TSPAN17: variants seen among roughly 807,000 people sequenced by gnomAD.
The protein encoded by TSPAN17 is tetraspanin 17.
TSPAN17 carries 33 observed loss-of-function variants against 40.5 expected under a neutral mutation model. The observed-to-expected ratio is 0.81, with a 90% CI of 0.62 to 1.09. TSPAN17 has a LOEUF of 1.09. Among genes scored for constraint, TSPAN17 ranks in the 50% least tolerant of loss-of-function variants. The probability of loss-of-function intolerance (pLI) is 0.00; values close to 1 mark genes in which losing one functional copy is unlikely to be tolerated. For synonymous variants in TSPAN17, 166 were observed against 169.4 expected (o/e 0.98, Z 0.15); for missense variants, 365 against 416.8 (o/e 0.88, Z 1.08).
In TSPAN17 at chr5:176,651,047, C is replaced by T. The variant is rs1374390135; in HGVS notation, c.88-569C>T. Among the ~76,000 whole-genome samples, 2 of 152,170 alleles carry T rather than the reference C, an allele frequency of 1.3e-5. No individual in the cohort carries two copies. Among genetic ancestry groups the T allele is most frequent in the Non-Finnish European group, 2.9e-5 (2 of 68,024 alleles). On this transcript the variant is annotated intron_variant, in intron 1 of 8. Transcript: ENST00000508164. The surrounding 1 kb of genome is among the most constrained non-coding windows in gnomAD (Gnocchi z 4.5). ...CAGGCCAGATCCTAGGTGGATCCTG[C>T]TAGGGATGATTGAGATTCCTGTCAT...
chr5:176,654,768 C>T lies in TSPAN17; in HGVS notation c.457-127C>T. ...AGGCCTGTGGGGGTGGGGAGGTGGC[C>T]ACCCACTTGGCTGTCCCAGCCCTGT... On this transcript the variant is annotated intron_variant, in intron 4 of 8. Coordinates refer to ENST00000508164, the MANE Select transcript of TSPAN17 (RefSeq NM_130465.5). The surrounding 1 kb of genome is among the most constrained non-coding windows in gnomAD (Gnocchi z 4.3). 3.2e-6 allele frequency: 4 copies of T among 1,263,146 alleles called. No individual in the cohort carries two copies. Among genetic ancestry groups the T allele is most frequent in the Non-Finnish European group, 3.2e-6 (3 of 924,112 alleles). The allele number at this position is 1,263,146 out of a possible 1,614,324, so 78.2% of individuals were successfully genotyped here.
chr5:176,657,255 G>A (rs1222623726), intron 8 of TSPAN17: 14 of 652,412 alleles, frequency 2.1e-5, no homozygotes, highest in Middle Eastern at 4.2e-4. Flanking sequence ...GGACTAGGAA[G>A]GGCGCAGCTC....
intron 6 of TSPAN17, 125 bp from the exon 7 acceptor site, chr5:176,656,575 G>A: frequency 3.4e-6 from 3 of 877,536 alleles, no homozygotes; most frequent in Admixed American, 1.9e-5. Flanking sequence ...CGGCTTTGTG[G>A]AGGGACTGTG....
rs73806061 is a variant in TSPAN17, at chr5:176,650,710, G to C, written c.88-906G>C. Among the ~76,000 whole-genome samples the C allele has an allele frequency of 0.02, 3,096 of 152,316 alleles. 144 individuals are homozygous for C. The highest frequency in any genetic ancestry group is 0.071 in the African/African-American group (2,970 of 41,556). On this transcript the variant is annotated intron_variant, in intron 1 of 8. Coordinates refer to ENST00000508164, the MANE Select transcript of TSPAN17 (RefSeq NM_130465.5). This position sits in a 1 kb window ranked among gnomAD's most constrained non-coding sequence, Gnocchi z 4.0. ...GGAAGGTGATAAAGGCCTTGGCCGTGGCTATGTGCTGAGGGGAAGGAGCCT... is the reference window on the plus strand; with the variant it reads ...GGAAGGTGATAAAGGCCTTGGCCGTCGCTATGTGCTGAGGGGAAGGAGCCT...
At chr5:176,653,264 A>G (rs13163642) in intron 4 of TSPAN17, 44,462 of 206,110 alleles carry the variant, frequency 0.22, 5,879 homozygotes, top group East Asian at 0.45. Context: ...GGCTGCAGCT[A>G]TGTTGCTGCT....
rs1323466361 is a variant in TSPAN17 at position 176,656,099 on chromosome 5, T to C, written c.604T>C (p.Cys202Arg). The change falls in exon 6 of 9, where the codon TGT (cysteine) becomes CGT (arginine). Residue 202 changes from cysteine to arginine, a missense_variant. Transcript: ENST00000508164. ...TCAGGAGGATGTCCTCAACACCCAG[T>C]GTGGCTACGACGTCCGGCTCAAACT... ...DPAEDVLNTQ[C>R]GYDVRLKLEL... 2 of 1,614,104 alleles carry C rather than the reference T, an allele frequency of 1.2e-6. No individual in the cohort carries two copies. The highest frequency in any genetic ancestry group is 3.3e-5 in the Admixed American group (2 of 60,020).
In TSPAN17 at chr5:176,654,880, C is replaced by A. The variant is rs778357815; in HGVS notation, c.457-15C>A. On this transcript the variant is annotated splice_polypyrimidine_tract_variant and intron_variant, in intron 4 of 8. Transcript: ENST00000508164. This position sits in a 1 kb window ranked among gnomAD's most constrained non-coding sequence, Gnocchi z 4.3. ...ATGGGCCTGGCTCACCTGGGGCTCT[C>A]CCCTGCCCCCACAGTGGTCTTGCTG... 1.2e-6 allele frequency: 2 copies of A among 1,612,884 alleles called. No individual in the cohort carries two copies. Among genetic ancestry groups the A allele is most frequent in the Non-Finnish European group, 1.7e-6 (2 of 1,179,506 alleles).
chr5:176,648,960 G>A (rs139291188), intron 1 of TSPAN17, among the ~76,000 whole-genome samples: 78 of 152,348 alleles, frequency 5.1e-4, no homozygotes, highest in Admixed American at 1.1e-3. Flanking sequence ...GCAGAGGGTG[G>A]AGGTGAGGCA....
chr5:176,655,430 C>T (rs1322821487), intron 5 of TSPAN17, among the ~76,000 whole-genome samples: 1 of 152,158 alleles, frequency 6.6e-6, no homozygotes, highest in East Asian at 1.9e-4. Flanking sequence ...GCCACCGTTG[C>T]AGGGTAGCAG....
chr5:176,648,285 G>A (rs916707498), intron 1 of TSPAN17, among the ~76,000 whole-genome samples: 8 of 152,338 alleles, frequency 5.3e-5, no homozygotes, highest in Non-Finnish European at 5.9e-5. Flanking sequence ...AGTCCTTGGC[G>A]GCTGGGAGAG....
rs952205417 is a variant in TSPAN17 at position 176,651,522 on chromosome 5, C to G, written c.88-94C>G. On this transcript the variant is annotated intron_variant, in intron 1 of 8. Coordinates refer to ENST00000508164, the MANE Select transcript of TSPAN17 (RefSeq NM_130465.5). The surrounding 1 kb of genome is among the most constrained non-coding windows in gnomAD (Gnocchi z 4.5). ...TCACAGCCCTTGTGCCTCTTCCTCT[C>G]TCCGCTGGAAAGGCCCTGGCTACCG... is the stretch of plus-strand genomic sequence containing the variant. The G allele has an allele frequency of 2.9e-6, 4 of 1,381,416 alleles. No individual in the cohort carries two copies. The highest frequency in any genetic ancestry group is 3.9e-6 in the Non-Finnish European group (4 of 1,025,852). The allele number at this position is 1,381,416 out of a possible 1,614,324, so 85.6% of individuals were successfully genotyped here. A position where few individuals can be genotyped will look rare whatever the true frequency, so the allele number is the denominator to read the frequency against.
At chr5:176,652,993 G>T (rs921925450) in intron 4 of TSPAN17, 80 bp downstream of exon 4, 1 of 1,493,682 alleles carries the variant, frequency 6.7e-7, no homozygotes, top group African/African-American at 1.4e-5. Flanking sequence ...TCCCTGTGAT[G>T]GGACCATCTC....
chr5:176,654,520 A>G lies in TSPAN17; in HGVS notation c.457-375A>G, dbSNP rs1371922634. ...AGGGCTTTGTAGAACCTCTGGGGCAAGTGTGGGAGGCCTGCTGCAGACATG... is the reference window on the plus strand; with the variant it reads ...AGGGCTTTGTAGAACCTCTGGGGCAGGTGTGGGAGGCCTGCTGCAGACATG... On this transcript the variant is annotated intron_variant, in intron 4 of 8. Coordinates refer to ENST00000508164, the MANE Select transcript of TSPAN17 (RefSeq NM_130465.5). This position sits in a 1 kb window ranked among gnomAD's most constrained non-coding sequence, Gnocchi z 4.3. 2.3e-5 allele frequency: 5 copies of G among 216,926 alleles called. No homozygotes were observed. Among genetic ancestry groups the G allele is most frequent in the Admixed American group, 5.5e-5 (1 of 18,250 alleles). 13.4% of individuals were successfully genotyped at this position (216,926 alleles called of 1,614,324 possible).
Position 176,651,705 on chromosome 5 carries a change from G to A in TSPAN17, c.138+39G>A. ...CGGGCGTGGAGCTGGTATGGGACGA[G>A]GTGGTGGGAAGGTCAGCTCCCCACA... On this transcript the variant is annotated intron_variant, in intron 2 of 8. Transcript: ENST00000508164. This position sits in a 1 kb window ranked among gnomAD's most constrained non-coding sequence, Gnocchi z 4.5. The A allele has an allele frequency of 6.2e-7, 1 of 1,614,052 alleles. No homozygotes were observed. The highest frequency in any genetic ancestry group is 1.1e-5 in the South Asian group (1 of 91,076).
chr5:176,652,017 A>G (rs1760988995), intron 3 of TSPAN17, 117 bp downstream of exon 3: 11 of 1,384,776 alleles, frequency 7.9e-6, no homozygotes, highest in Admixed American at 4.4e-5. Context: ...CGTCATCGTT[A>G]GATTCATGTT....
intron 8 of TSPAN17, 49 bp downstream of exon 8, chr5:176,657,005 TG>T (rs1201987537): frequency 3.2e-6 from 5 of 1,584,770 alleles, no homozygotes; most frequent in African/African-American, 1.3e-5. Context: ...CGCAGGCCTC[TG>T]GGGGGCCCCC....
Position 176,651,544 on chromosome 5 carries a change from A to C in TSPAN17, c.88-72A>C. On this transcript the variant is annotated intron_variant, in intron 1 of 8. Transcript: ENST00000508164. The surrounding 1 kb of genome is among the most constrained non-coding windows in gnomAD (Gnocchi z 4.5). ...TCTCTCCGCTGGAAAGGCCCTGGCTACCGGGGAAGGATGAGGGGGGAGGGT... is the reference window on the plus strand; with the variant it reads ...TCTCTCCGCTGGAAAGGCCCTGGCTCCCGGGGAAGGATGAGGGGGGAGGGT... The C allele has an allele frequency of 2.0e-6, 3 of 1,496,298 alleles. No homozygotes were observed. Among genetic ancestry groups the C allele is most frequent in the South Asian group, 1.3e-5 (1 of 78,738 alleles). The allele number at this position is 1,496,298 out of a possible 1,614,324, so 92.7% of individuals were successfully genotyped here.
Position 176,652,866 on chromosome 5 carries a change from C to T in TSPAN17, c.409C>T (p.Arg137Trp), listed in dbSNP as rs752698858. ...LFINNNVKAY[R>W]DDIDLQNLID... Reference sequence around the variant, plus strand: ...CATCAACAACAACGTCAAGGCCTACCGGGACGACATTGACCTCCAGAACCT... The same window carrying T: ...CATCAACAACAACGTCAAGGCCTACTGGGACGACATTGACCTCCAGAACCT... The change falls in exon 4 of 9, where the codon CGG becomes TGG. Residue 137 changes from arginine (R) to tryptophan (W), a missense_variant. By Grantham distance (101) the Arg-to-Trp change is moderately radical (BLOSUM62 -3). Coordinates refer to ENST00000508164, the MANE Select transcript of TSPAN17 (RefSeq NM_130465.5). 10 of 1,614,058 alleles carry T rather than the reference C, an allele frequency of 6.2e-6. No individual in the cohort carries two copies. In the East Asian group the frequency reaches 6.7e-5, roughly 11 times the overall value.
At position 176,652,760 on chromosome 5, in the gene TSPAN17, T is replaced by G. The variant is rs1482404072; in HGVS notation, c.303T>G (p.Gly101=). The part of the protein sequence containing the change: ...FLLKFFSVFL[G]LIFFLELATG... ...AACCCCAGTTCTCCGTGTTCCTCGG[T>G]CTCATCTTCTTCCTGGAGCTGGCAA... The change falls in exon 4 of 9, where the codon GGT becomes GGG. Residue 101 remains glycine, a synonymous_variant. Transcript: ENST00000508164. 6.2e-7 allele frequency: 1 copy of G among 1,613,918 alleles called. No individual in the cohort carries two copies. Among genetic ancestry groups the G allele is most frequent in the Non-Finnish European group, 8.5e-7 (1 of 1,179,990 alleles).
Sources: allele counts gnomAD v4.1 joint callset (sites outside exome capture counted in the v4.1 genomes callset), GRCh38; gene constraint gnomAD v4.1.1; non-coding constraint Gnocchi (gnomAD v3.1); transcripts MANE v1.5; gene names NCBI Gene and HGNC (gene_info 2026-07-23, HGNC 2026-07-21).